The following COMMD10 variants were observed in gnomAD, a reference collection of about 807,000 sequenced individuals.
COMMD10 encodes COMM domain containing 10.
In COMMD10, 33 loss-of-function variants were observed where a neutral mutation model predicts 28.9. That is an observed-to-expected ratio of 1.14 (90% CI 0.87 to 1.53). COMMD10 has a LOEUF of 1.53. Among genes scored for constraint, COMMD10 ranks in the 40% most tolerant of loss-of-function variants. The pLI is 0.00. For synonymous variants in COMMD10, 110 were observed against 81.7 expected, an observed-to-expected ratio of 1.35 and a Z score of -1.87; for missense variants, 310 against 233.4, an observed-to-expected ratio of 1.33 and a Z score of -2.14.
At chr5:116,278,149 A>G (rs1341542230) in intron 5 of COMMD10, among the ~76,000 whole-genome samples, 1 of 151,850 alleles carries the variant, frequency 6.6e-6, no homozygotes, top group Non-Finnish European at 1.5e-5. Context: ...CTTAGAATAA[A>G]TTATAAATAC....
At chr5:116,254,527 C>A (rs1226512613) in intron 5 of COMMD10, among the ~76,000 whole-genome samples, 1 of 151,058 alleles carries the variant, frequency 6.6e-6, no homozygotes, top group African/African-American at 2.5e-5. Context: ...CAAAGAACAT[C>A]TTTATTTCTG....
chr5:116,092,045 T>TCA (rs1375597092), intron 3 of COMMD10, among the ~76,000 whole-genome samples: 1 of 152,184 alleles, frequency 6.6e-6, no homozygotes, highest in Non-Finnish European at 1.5e-5. Context: ...AGCATGGTGT[T>TCA]CCAGAATAAT....
At chr5:116,191,985 T>A (rs960749072) in intron 5 of COMMD10, among the ~76,000 whole-genome samples, 1 of 150,280 alleles carries the variant, frequency 6.7e-6, no homozygotes, top group Non-Finnish European at 1.5e-5. Flanking sequence ...CATCACAGGA[T>A]GTGATATTGT....
chr5:116,195,005 C>G (rs1307815948), intron 5 of COMMD10, among the ~76,000 whole-genome samples: 1 of 151,994 alleles, frequency 6.6e-6, no homozygotes, highest in Non-Finnish European at 1.5e-5. Flanking sequence ...GCAGGTATAG[C>G]TTAACATATA....
At chr5:116,171,805 A>G (rs1477214053) in intron 5 of COMMD10, among the ~76,000 whole-genome samples, 16 of 146,858 alleles carry the variant, frequency 1.1e-4, no homozygotes, top group Admixed American at 1.1e-3. Context: ...AGGGAGGGGA[A>G]CATCACACAC....
At chr5:116,259,836 T>G (rs1344379966) in intron 5 of COMMD10, among the ~76,000 whole-genome samples, 1 of 151,746 alleles carries the variant, frequency 6.6e-6, no homozygotes, top group East Asian at 1.9e-4. Flanking sequence ...AAATTGCATT[T>G]GGGAGAATGT....
At chr5:116,251,255 G>C (rs1301455786) in intron 5 of COMMD10, among the ~76,000 whole-genome samples, 3 of 145,022 alleles carry the variant, frequency 2.1e-5, no homozygotes, top group Non-Finnish European at 4.5e-5. Flanking sequence ...AATTAAAGCA[G>C]ACTCTTTTCT....
intron 5 of COMMD10, among the ~76,000 whole-genome samples, chr5:116,152,244 T>C (rs1040314038): frequency 5.3e-5 from 8 of 152,152 alleles, no homozygotes; most frequent in Non-Finnish European, 8.8e-5. Context: ...ATTTGTGTTC[T>C]TTTACATTTG....
intron 5 of COMMD10, among the ~76,000 whole-genome samples, chr5:116,231,789 T>C (rs1418313617): frequency 1.3e-5 from 2 of 151,976 alleles, no homozygotes; most frequent in African/African-American, 4.8e-5. Flanking sequence ...TTAAAGAAAT[T>C]AATTGGGAAA....
chr5:116,270,933 G>T (rs1276955434), intron 5 of COMMD10, among the ~76,000 whole-genome samples: 1 of 151,416 alleles, frequency 6.6e-6, no homozygotes, highest in African/African-American at 2.4e-5. Flanking sequence ...GCAAAACTCT[G>T]TCTCAAAAAA....
In COMMD10 at chr5:116,105,126, T is replaced by C. The variant is rs575313614; in HGVS notation, c.399+12426T>C. ...ATAGCTCTTATTATTTTGAGATATGTTCCATCAATGCCTAGTTTATTGAGA... is the reference window on the plus strand; with the variant it reads ...ATAGCTCTTATTATTTTGAGATATGCTCCATCAATGCCTAGTTTATTGAGA... On this transcript the variant is annotated intron_variant, in intron 4 of 6. Transcript: ENST00000274458. Among the ~76,000 whole-genome samples, 5 of 152,346 alleles carry C rather than the reference T, an allele frequency of 3.3e-5. No individual in the cohort carries two copies. The South Asian group carries it at 1.0e-3, about 32-fold the overall frequency.
At chr5:116,236,080 T>A (rs1207225505) in intron 5 of COMMD10, among the ~76,000 whole-genome samples, 4 of 152,144 alleles carry the variant, frequency 2.6e-5, no homozygotes, top group Non-Finnish European at 5.9e-5. Flanking sequence ...AGGATACATG[T>A]TATTGTAACA....
intron 4 of COMMD10, among the ~76,000 whole-genome samples, chr5:116,105,204 C>A (rs1750798810): frequency 6.6e-6 from 1 of 152,136 alleles, no homozygotes; most frequent in South Asian, 2.1e-4. Flanking sequence ...TTTTCTGCAT[C>A]TGTTGAGATA....
intron 4 of COMMD10, among the ~76,000 whole-genome samples, chr5:116,096,442 A>G (rs1750472139): frequency 6.6e-6 from 1 of 151,768 alleles, no homozygotes; most frequent in Middle Eastern, 3.4e-3. Flanking sequence ...ACTGATCTCT[A>G]TCCTGTAACT....
intron 5 of COMMD10, among the ~76,000 whole-genome samples, chr5:116,156,153 A>G (rs1217633303): frequency 2.6e-5 from 4 of 152,114 alleles, no homozygotes; most frequent in South Asian, 2.1e-4. Context: ...CTGTCCTACT[A>G]TCCAGTTCCA....
rs1344190202 is a variant in COMMD10 at position 116,095,747 on chromosome 5, T to C, written c.399+3047T>C. On this transcript the variant is annotated intron_variant, in intron 4 of 6. Transcript: ENST00000274458. ...TGTTTTCTTCTAAATGTTTTACATA[T>C]TTATATTTTATGTTTAGATCTAAAA... 2.0e-5 allele frequency among the ~76,000 whole-genome samples: 3 copies of C among 152,160 alleles called. No homozygotes were observed. The East Asian group carries it at 5.8e-4, about 29-fold the overall frequency.
At chr5:116,235,963 A>T (rs1164594354) in intron 5 of COMMD10, among the ~76,000 whole-genome samples, 1 of 152,086 alleles carries the variant, frequency 6.6e-6, no homozygotes, top group African/African-American at 2.4e-5. Context: ...TACATACATT[A>T]TTTGTGCCCA....
At chr5:116,107,322 CAT>C (rs1184059262) in intron 4 of COMMD10, among the ~76,000 whole-genome samples, 1 of 152,174 alleles carries the variant, frequency 6.6e-6, no homozygotes, top group East Asian at 1.9e-4. Flanking sequence ...ACCAATCAAA[CAT>C]AGATTTGGTC....
At chr5:116,207,975 G>A (rs1580549075) in intron 5 of COMMD10, among the ~76,000 whole-genome samples, 1 of 152,124 alleles carries the variant, frequency 6.6e-6, no homozygotes, top group South Asian at 2.1e-4. Flanking sequence ...ATGGAGTTGC[G>A]GTTTAGTAGA....
Sources: allele counts gnomAD v4.1 joint callset (sites outside exome capture counted in the v4.1 genomes callset), GRCh38; gene constraint gnomAD v4.1.1; transcripts MANE v1.5; gene names NCBI Gene and HGNC (gene_info 2026-07-23, HGNC 2026-07-21).